CCDC148: variants seen among roughly 807,000 people sequenced by gnomAD.
CCDC148 encodes the protein coiled-coil domain containing 148.
CCDC148 carries 89 observed loss-of-function variants against 85.7 expected under a neutral mutation model. The ratio of observed to expected loss-of-function variants is 1.04; its 90% CI spans 0.87 to 1.24. CCDC148 has a LOEUF of 1.24. Among genes scored for constraint, CCDC148 ranks in the 50% most tolerant of loss-of-function variants. The probability of loss-of-function intolerance (pLI) is 0.00; values close to 1 mark genes in which losing one functional copy is unlikely to be tolerated. For synonymous variants in CCDC148, 230 were observed against 213.9 expected, an observed-to-expected ratio of 1.08 and a Z score of -0.66; for missense variants, 692 against 671.7, an observed-to-expected ratio of 1.03 and a Z score of -0.33.
chr2:158,304,112 A>G (rs1559056453), intron 9 of CCDC148, among the ~76,000 whole-genome samples: 1 of 152,112 alleles, frequency 6.6e-6, no homozygotes, highest in East Asian at 1.9e-4. Context: ...TAAGTCACAA[A>G]ACACAGTCTT....
chr2:158,284,514 A>G (rs2602188), intron 9 of CCDC148, among the ~76,000 whole-genome samples: 48,052 of 152,000 alleles, frequency 0.32, 8,293 homozygotes, highest in Middle Eastern at 0.45. Context: ...GCACTGGGGC[A>G]TTCACCAACT....
chr2:158,182,085 T>C (rs887739906), intron 11 of CCDC148, among the ~76,000 whole-genome samples: 13 of 152,020 alleles, frequency 8.6e-5, no homozygotes, highest in African/African-American at 2.9e-4. Flanking sequence ...AACAGGGGTG[T>C]TCCTCCCTAA....
chr2:158,414,598 T>C (rs1469511984), intron 1 of CCDC148, among the ~76,000 whole-genome samples: 1 of 151,818 alleles, frequency 6.6e-6, no homozygotes, highest in East Asian at 1.9e-4. Flanking sequence ...AAGAATAATG[T>C]GTGCTAGGCA....
intron 1 of CCDC148, among the ~76,000 whole-genome samples, chr2:158,455,633 A>ACATAAG (rs1385750871): frequency 2.0e-5 from 3 of 151,910 alleles, no homozygotes; most frequent in African/African-American, 7.3e-5. Context: ...AGGGGTAGTA[A>ACATAAG]CATAGTCTCC....
intron 9 of CCDC148, among the ~76,000 whole-genome samples, chr2:158,274,403 T>C (rs547040579): frequency 7.2e-5 from 11 of 152,292 alleles, no homozygotes; most frequent in African/African-American, 2.6e-4. Flanking sequence ...TCTAGATCCA[T>C]CGACACCTGC....
chr2:158,410,593 A>G (rs548043109), intron 1 of CCDC148, among the ~76,000 whole-genome samples: 25 of 152,286 alleles, frequency 1.6e-4, no homozygotes, highest in Middle Eastern at 3.4e-3. Flanking sequence ...TTAAATCGAT[A>G]TCAACAACTT....
chr2:158,307,250 A>C (rs1209947685), intron 9 of CCDC148, among the ~76,000 whole-genome samples: 1 of 150,710 alleles, frequency 6.6e-6, no homozygotes, highest in Non-Finnish European at 1.5e-5. Context: ...AACCCAATAG[A>C]AAAATAGGCA....
At chr2:158,305,222 A>C (rs915071622) in intron 9 of CCDC148, among the ~76,000 whole-genome samples, 13 of 152,168 alleles carry the variant, frequency 8.5e-5, no homozygotes, top group African/African-American at 2.9e-4. Context: ...TGAAGAAACC[A>C]TCTTCTCCTG....
chr2:158,332,637 A>T (rs538052009), intron 7 of CCDC148, among the ~76,000 whole-genome samples: 2 of 151,754 alleles, frequency 1.3e-5, no homozygotes, highest in Non-Finnish European at 2.9e-5. Context: ...CCTCTGGTAG[A>T]ATTTGGCTGT....
At chr2:158,270,494 C>T (rs1689650418) in intron 9 of CCDC148, among the ~76,000 whole-genome samples, 1 of 152,142 alleles carries the variant, frequency 6.6e-6, no homozygotes, top group Non-Finnish European at 1.5e-5. Flanking sequence ...TAAAGCTATA[C>T]TCAAGTGACT....
chr2:158,296,009 G>A (rs1387345268), intron 9 of CCDC148, among the ~76,000 whole-genome samples: 1 of 152,152 alleles, frequency 6.6e-6, no homozygotes, highest in Non-Finnish European at 1.5e-5. Context: ...CATGCAATTT[G>A]CAAATATTTT....
intron 9 of CCDC148, 111 bp downstream of exon 9, chr2:158,309,322 T>C: frequency 3.5e-6 from 3 of 857,672 alleles, no homozygotes; most frequent in Non-Finnish European, 5.4e-6. Context: ...TTATTAAAGG[T>C]AGGCTTTTGT....
chr2:158,342,117 C>T (rs1452712322), intron 3 of CCDC148, among the ~76,000 whole-genome samples: 1 of 149,312 alleles, frequency 6.7e-6, no homozygotes, highest in Non-Finnish European at 1.5e-5. Flanking sequence ...GCAACCTCCA[C>T]CTCCCAGGTT....
chr2:158,217,387 TATATATAC>T (rs1228953048), intron 11 of CCDC148, among the ~76,000 whole-genome samples: 13 of 93,188 alleles, frequency 1.4e-4, no homozygotes, highest in African/African-American at 3.9e-4. Context: ...TATATATATA[TATATATAC>T]ACACACACAT....
intron 9 of CCDC148, among the ~76,000 whole-genome samples, chr2:158,262,679 G>A (rs947313547): frequency 2.0e-5 from 3 of 151,860 alleles, no homozygotes; most frequent in African/African-American, 7.3e-5. Flanking sequence ...GAGAGAGCAA[G>A]GGGGGACGTG....
chr2:158,430,733 A>C (rs1687308698), intron 1 of CCDC148, among the ~76,000 whole-genome samples: 2 of 152,180 alleles, frequency 1.3e-5, no homozygotes, highest in Non-Finnish European at 1.5e-5. Flanking sequence ...ATATGTATCT[A>C]TTATGTATGA....
chr2:158,356,886 G>C (rs1574684195), intron 2 of CCDC148, among the ~76,000 whole-genome samples: 1 of 135,138 alleles, frequency 7.4e-6, no homozygotes, highest in African/African-American at 2.9e-5. Flanking sequence ...ATACACCATG[G>C]AATACTATGC....
In CCDC148 at chr2:158,253,052, C is replaced by G. The variant is rs552498607; in HGVS notation, c.1111-2140G>C. ...TTTTTTTATTACTATGTATACACAT[C>G]AACATGACTGTCTCTTTACATTTTA... is the stretch of plus-strand genomic sequence containing the variant. On this transcript the variant is annotated intron_variant, in intron 9 of 13. Transcript: ENST00000283233. Among the ~76,000 whole-genome samples, 68 of 151,658 alleles carry G rather than the reference C, an allele frequency of 4.5e-4. 2 individuals carry two copies. Among genetic ancestry groups the G allele is most frequent in the Non-Finnish European group, 1.0e-4 (7 of 67,774 alleles).
chr2:158,327,647 T>C (rs1692849084), intron 7 of CCDC148, among the ~76,000 whole-genome samples: 1 of 152,190 alleles, frequency 6.6e-6, no homozygotes, highest in South Asian at 2.1e-4. Context: ...TCTTCCCTCA[T>C]TATTGCTTCT....
Sources: gnomAD v4.1 joint callset for allele counts (sites outside exome capture counted in the v4.1 genomes callset) on GRCh38, gnomAD v4.1.1 for gene constraint, MANE v1.5 for transcripts, NCBI Gene and HGNC (gene_info 2026-07-23, HGNC 2026-07-21) for gene names.